Variants in HACD2 observed in about 807,000 individuals in gnomAD.
HACD2 encodes the protein very-long-chain (3R)-3-hydroxyacyl-CoA dehydratase 2.
In HACD2, 15 loss-of-function variants were observed where a neutral mutation model predicts 31.0. That is an observed-to-expected ratio of 0.48 (90% confidence interval 0.32 to 0.75). The LOEUF (loss-of-function observed/expected upper bound fraction) is 0.75, where lower values mean the gene tolerates loss of function less well. Among genes scored for constraint, HACD2 ranks in the 30% least tolerant of loss-of-function variants. The pLI, the probability that HACD2 is intolerant of heterozygous loss-of-function variation, is 0.03. For synonymous variants in HACD2, 115 were observed against 122.2 expected (o/e 0.94, Z 0.39); for missense variants, 283 against 313.0 (o/e 0.90, Z 0.72).
chr3:123,510,788 A>T (rs1381422526), intron 4 of HACD2, among the ~76,000 whole-genome samples: 1 of 152,066 alleles, frequency 6.6e-6, no homozygotes, highest in Non-Finnish European at 1.5e-5. Flanking sequence ...TTAGTAGTGG[A>T]GTTATTGGAC....
At chr3:123,498,016 A>G (rs1020009850) in intron 6 of HACD2, among the ~76,000 whole-genome samples, 2 of 152,322 alleles carry the variant, frequency 1.3e-5, no homozygotes, top group East Asian at 1.9e-4. Context: ...AAAGCTTTGG[A>G]AAGTTGGAAA....
chr3:123,563,595 G>T (rs1429584586), intron 3 of HACD2, among the ~76,000 whole-genome samples: 1 of 151,508 alleles, frequency 6.6e-6, no homozygotes, highest in Non-Finnish European at 1.5e-5. Context: ...GTGAACTTTG[G>T]CAAGACATGA....
At chr3:123,578,769 AG>A (rs1259042569) in intron 2 of HACD2, among the ~76,000 whole-genome samples, 2 of 152,268 alleles carry the variant, frequency 1.3e-5, no homozygotes, top group Non-Finnish European at 2.9e-5. Flanking sequence ...GATATAAATG[AG>A]TAGCTGCCTT....
intron 3 of HACD2, among the ~76,000 whole-genome samples, chr3:123,545,482 A>G (rs1227906394): frequency 4.7e-5 from 4 of 85,462 alleles, no homozygotes; most frequent in African/African-American, 2.1e-4. Flanking sequence ...ACTTAGTCTC[A>G]GTAAAAATAA....
At chr3:123,573,902 A>T (rs572930286) in intron 2 of HACD2, among the ~76,000 whole-genome samples, 4 of 152,170 alleles carry the variant, frequency 2.6e-5, no homozygotes, top group African/African-American at 9.7e-5. Flanking sequence ...TTATTTGCTT[A>T]ATTTTCATAT....
intron 5 of HACD2, 129 bp from the exon 6 acceptor site, chr3:123,500,822 C>T (rs1378738850): frequency 3.8e-6 from 2 of 520,680 alleles, no homozygotes; most frequent in Non-Finnish European, 6.3e-6. Flanking sequence ...TGTTTACCTG[C>T]TACTCAAATT....
At chr3:123,513,742 C>T (rs936906456) in intron 4 of HACD2, among the ~76,000 whole-genome samples, 2 of 152,070 alleles carry the variant, frequency 1.3e-5, no homozygotes, top group Admixed American at 6.5e-5. Context: ...CAGAAGATAC[C>T]GATTACTTTC....
chr3:123,551,611 AG>A (rs1257115928), intron 3 of HACD2, among the ~76,000 whole-genome samples: 1 of 151,860 alleles, frequency 6.6e-6, no homozygotes, highest in African/African-American at 2.4e-5. Flanking sequence ...TGACAGAGTG[AG>A]ACTGTCTCAA....
intron 3 of HACD2, among the ~76,000 whole-genome samples, chr3:123,556,588 C>T (rs574886478): frequency 6.6e-6 from 1 of 152,086 alleles, no homozygotes; most frequent in South Asian, 2.1e-4. Context: ...AAGCACAATC[C>T]ATGAAAGGGA....
chr3:123,550,658 A>C (rs1270289419), intron 3 of HACD2, among the ~76,000 whole-genome samples: 2 of 152,184 alleles, frequency 1.3e-5, no homozygotes, highest in African/African-American at 4.8e-5. Flanking sequence ...AGTACAGAGG[A>C]GAGCAGGTCG....
chr3:123,499,396 T>C (rs2107678967), intron 6 of HACD2: 1 of 221,020 alleles, frequency 4.5e-6, no homozygotes, highest in South Asian at 6.7e-5. Context: ...TGGCCTCTGG[T>C]CGCTATGATT....
chr3:123,499,147 T>C (rs1230116890), intron 6 of HACD2: 1 of 154,586 alleles, frequency 6.5e-6, no homozygotes, highest in Non-Finnish European at 1.4e-5. Flanking sequence ...CATTTGACTA[T>C]GGTGAATTCA....
At chr3:123,528,786 C>T (rs2056316346) in intron 3 of HACD2, among the ~76,000 whole-genome samples, 1 of 152,096 alleles carries the variant, frequency 6.6e-6, no homozygotes, top group African/African-American at 2.4e-5. Flanking sequence ...AAAGCAAAAC[C>T]ACTACCTAAT....
At chr3:123,560,400 G>C (rs2056715227) in intron 3 of HACD2, among the ~76,000 whole-genome samples, 1 of 152,176 alleles carries the variant, frequency 6.6e-6, no homozygotes, top group Non-Finnish European at 1.5e-5. Context: ...CAAAGGAGGG[G>C]AAGGTTGGAT....
chr3:123,556,273 C>T (rs372919394), intron 3 of HACD2, among the ~76,000 whole-genome samples: 1 of 151,892 alleles, frequency 6.6e-6, no homozygotes. Flanking sequence ...CCCATCTCTA[C>T]AAAAAGCACA....
At chr3:123,504,548 A>G (rs1250748782) in intron 4 of HACD2, among the ~76,000 whole-genome samples, 1 of 151,758 alleles carries the variant, frequency 6.6e-6, no homozygotes, top group Admixed American at 6.6e-5. Flanking sequence ...AAAAACAAAC[A>G]AAACCCAAAA....
At chr3:123,525,752 TA>T (rs1474280098) in intron 4 of HACD2, among the ~76,000 whole-genome samples, 2 of 152,114 alleles carry the variant, frequency 1.3e-5, no homozygotes, top group Non-Finnish European at 2.9e-5. Flanking sequence ...GAAATGATAG[TA>T]GTGTGAAAAG....
chr3:123,582,378 T>TA, intron 1 of HACD2, 49 bp from the exon 2 acceptor site: 3 of 1,335,456 alleles, frequency 2.2e-6, no homozygotes, highest in Non-Finnish European at 3.1e-6. Flanking sequence ...ATAAAAAAAG[T>TA]AGCATTTAGG....
intron 3 of HACD2, among the ~76,000 whole-genome samples, chr3:123,544,113 G>T (rs1356701645): frequency 6.6e-6 from 1 of 152,170 alleles, no homozygotes; most frequent in Non-Finnish European, 1.5e-5. Flanking sequence ...TACTAATACG[G>T]GGGTGGTGGC....
Sources: allele counts gnomAD v4.1 joint callset (sites outside exome capture counted in the v4.1 genomes callset), GRCh38; gene constraint gnomAD v4.1.1; transcripts MANE v1.5; gene names NCBI Gene and HGNC (gene_info 2026-07-23, HGNC 2026-07-21).